Variants in NT5DC1 observed in about 807,000 individuals in gnomAD.
NT5DC1 encodes 5'-nucleotidase domain containing 1.
Under a neutral mutation model 59.4 loss-of-function variants are expected in NT5DC1, and 42 were observed. That is an observed-to-expected ratio of 0.71 (90% CI 0.55 to 0.92). NT5DC1 has a LOEUF of 0.92. NT5DC1 is among the 40% of genes least tolerant of loss of function. The pLI, the probability that NT5DC1 is intolerant of heterozygous loss-of-function variation, is 0.00. For synonymous variants in NT5DC1, 172 were observed against 188.1 expected, an observed-to-expected ratio of 0.91 and a Z score of 0.70; for missense variants, 501 against 537.1, an observed-to-expected ratio of 0.93 and a Z score of 0.66.
intron 4 of NT5DC1, among the ~76,000 whole-genome samples, chr6:116,114,615 A>G (rs1562119118): frequency 2.0e-5 from 3 of 150,584 alleles, no homozygotes; most frequent in Admixed American, 6.6e-5. Flanking sequence ...GGCTTTACCT[A>G]TTGGTTCTGT....
intron 6 of NT5DC1, among the ~76,000 whole-genome samples, chr6:116,212,103 A>G (rs752394878): frequency 6.6e-6 from 1 of 152,080 alleles, no homozygotes; most frequent in Non-Finnish European, 1.5e-5. Context: ...ATACTATTTT[A>G]TCAATTCTTT....
chr6:116,188,702 TCTA>T (rs1327752746), intron 6 of NT5DC1, among the ~76,000 whole-genome samples: 32 of 120,858 alleles, frequency 2.6e-4, no homozygotes, highest in African/African-American at 1.1e-3. Context: ...CTGGAAATTT[TCTA>T]CTTTTTTTTT....
intron 6 of NT5DC1, among the ~76,000 whole-genome samples, chr6:116,149,357 T>A (rs1779976459): frequency 6.6e-6 from 1 of 152,216 alleles, no homozygotes; most frequent in African/African-American, 2.4e-5. Context: ...ATTCTTCCAG[T>A]ACGTATGACA....
At chr6:116,138,086 G>A (rs532861758) in intron 6 of NT5DC1, among the ~76,000 whole-genome samples, 78 of 152,034 alleles carry the variant, frequency 5.1e-4, no homozygotes, top group African/African-American at 1.8e-3. Context: ...CAAAAAAAAA[G>A]AAAAGAAAGA....
intron 7 of NT5DC1, among the ~76,000 whole-genome samples, chr6:116,221,713 C>T (rs1388383871): frequency 6.6e-6 from 1 of 152,146 alleles, no homozygotes; most frequent in East Asian, 1.9e-4. Context: ...TAAAGTAAGA[C>T]AGACTTGATT....
In NT5DC1 at chr6:116,233,962, CTA is replaced by C. The variant is rs574364247; in HGVS notation, c.803-3000_803-2999del. On this transcript the variant is annotated intron_variant, in intron 8 of 11. Coordinates refer to ENST00000319550, the MANE Select transcript of NT5DC1 (RefSeq NM_152729.3). Reference sequence around the variant, plus strand: ...TCTATATCTTCTAACGTTTATCTTTCTATATCTTATAACTGTTTTTTTTTTTT... The same window carrying C: ...TCTATATCTTCTAACGTTTATCTTTCTATCTTATAACTGTTTTTTTTTTTT... Among the ~76,000 whole-genome samples the C allele has an allele frequency of 4.6e-3, 667 of 144,684 alleles. 6 individuals are homozygous for C. Among genetic ancestry groups the C allele is most frequent in the African/African-American group, 0.016 (614 of 39,248 alleles). 94.9% of individuals were successfully genotyped at this position (144,684 alleles called of 152,430 possible).
intron 11 of NT5DC1, among the ~76,000 whole-genome samples, chr6:116,242,107 C>T (rs1407171503): frequency 1.3e-5 from 2 of 151,628 alleles, no homozygotes; most frequent in Non-Finnish European, 2.9e-5. Context: ...GGTAGCTCAA[C>T]GCCTTGTAAT....
intron 6 of NT5DC1, among the ~76,000 whole-genome samples, chr6:116,139,170 G>A (rs1270084829): frequency 1.3e-5 from 2 of 152,098 alleles, no homozygotes; most frequent in African/African-American, 4.8e-5. Flanking sequence ...AATATTGGGG[G>A]AAAATGTTAA....
intron 6 of NT5DC1, chr6:116,120,586 A>AG: frequency 6.3e-7 from 1 of 1,592,278 alleles, no homozygotes; most frequent in Non-Finnish European, 8.5e-7. Context: ...CTGGAGGCCC[A>AG]GGGGGCCCTG....
At chr6:116,168,581 G>T (rs1005280937) in intron 6 of NT5DC1, among the ~76,000 whole-genome samples, 20 of 151,980 alleles carry the variant, frequency 1.3e-4, no homozygotes, top group African/African-American at 4.6e-4. Flanking sequence ...CATGCCATAG[G>T]AGCTGCTGTG....
In NT5DC1 at chr6:116,121,512, T is replaced by A; in HGVS notation, c.529+3567T>A. 1 of 1,614,086 alleles carries A rather than the reference T, an allele frequency of 6.2e-7. No homozygotes were observed. The highest frequency in any genetic ancestry group is 8.5e-7 in the Non-Finnish European group (1 of 1,179,984). On this transcript the variant is annotated intron_variant, in intron 6 of 11. Transcript: ENST00000319550. ...GGACCCTGAGGGCCTGGAAGACCCC[T>A]CTCACCTGGACGACCAGGAGCACCA...
chr6:116,147,657 G>T (rs1362504703), intron 6 of NT5DC1, among the ~76,000 whole-genome samples: 1 of 152,028 alleles, frequency 6.6e-6, no homozygotes, highest in Non-Finnish European at 1.5e-5. Flanking sequence ...ATGAGAAATT[G>T]CAAATAGAAA....
Position 116,246,587 on chromosome 6 carries a change from TATA to T in NT5DC1, c.*2568_*2570del, listed in dbSNP as rs2114571295. Reference sequence around the variant, plus strand: ...TGGAAAATCAAACTGCCTCTCTAGATATAATAACCTTCACTGACTGTTGGAAAT... The same window carrying T: ...TGGAAAATCAAACTGCCTCTCTAGATATAACCTTCACTGACTGTTGGAAAT... On this transcript the variant is annotated 3_prime_UTR_variant, in exon 12 of 12. Transcript: ENST00000319550. 1 of 152,254 alleles carries T rather than the reference TATA, an allele frequency of 6.6e-6. No homozygotes were observed. The highest frequency in any genetic ancestry group is 1.5e-5 in the Non-Finnish European group (1 of 67,980). 9.4% of individuals were successfully genotyped at this position (152,254 alleles called of 1,614,324 possible).
intron 11 of NT5DC1, among the ~76,000 whole-genome samples, chr6:116,239,452 C>CG (rs1562178044): frequency 6.6e-6 from 1 of 152,060 alleles, no homozygotes. Flanking sequence ...ATTCCGGAGG[C>CG]GGCACCACAG....
chr6:116,119,935 G>T, intron 6 of NT5DC1: 1 of 821,674 alleles, frequency 1.2e-6, no homozygotes, highest in Non-Finnish European at 2.0e-6. Context: ...AAGGTTTGTT[G>T]GTCTGATAGC....
At chr6:116,137,525 C>T in intron 6 of NT5DC1, 1 of 211,268 alleles carries the variant, frequency 4.7e-6, no homozygotes, top group South Asian at 8.9e-5. Context: ...TAATGTATTT[C>T]ACAGTCTCCT....
chr6:116,197,112 C>T (rs1562160460), intron 6 of NT5DC1, among the ~76,000 whole-genome samples: 1 of 151,886 alleles, frequency 6.6e-6, no homozygotes, highest in Non-Finnish European at 1.5e-5. Context: ...CCCCCACCTC[C>T]TTTCTCCATT....
intron 2 of NT5DC1, among the ~76,000 whole-genome samples, chr6:116,107,218 C>T (rs958838148): frequency 4.8e-5 from 7 of 147,200 alleles, no homozygotes; most frequent in African/African-American, 1.8e-4. Flanking sequence ...TGAAAAATAC[C>T]TACATTATGT....
Position 116,101,032 on chromosome 6 carries a change from C to T in NT5DC1, c.93+9C>T, listed in dbSNP as rs200764303. On this transcript the variant is annotated intron_variant, in intron 1 of 11. Coordinates refer to ENST00000319550, the MANE Select transcript of NT5DC1 (RefSeq NM_152729.3). ...TGCCCGAGAGCGCCCCGGTGAGTGGCGCGGGCTCCGGGGCGCACTGCGCGC... is the reference window on the plus strand; with the variant it reads ...TGCCCGAGAGCGCCCCGGTGAGTGGTGCGGGCTCCGGGGCGCACTGCGCGC... The T allele has an allele frequency of 2.3e-4, 367 of 1,577,048 alleles. No individual in the cohort carries two copies. Among genetic ancestry groups the T allele is most frequent in the Non-Finnish European group, 3.1e-4 (357 of 1,160,106 alleles).
Sources: gnomAD v4.1 joint callset for allele counts (sites outside exome capture counted in the v4.1 genomes callset) on GRCh38, gnomAD v4.1.1 for gene constraint, MANE v1.5 for transcripts, NCBI Gene and HGNC (gene_info 2026-07-23, HGNC 2026-07-21) for gene names.